The following WASF3 variants were observed in gnomAD, a reference collection of about 807,000 sequenced individuals.
WASF3 encodes the protein WASP family member 3.
WASF3 carries 11 observed loss-of-function variants against 46.6 expected under a neutral mutation model. That is an observed-to-expected ratio of 0.24 (90% CI 0.15 to 0.39). The LOEUF (loss-of-function observed/expected upper bound fraction) is 0.39. WASF3 is among the 10% of genes least tolerant of loss of function. The pLI, the probability that WASF3 is intolerant of heterozygous loss-of-function variation, is 1.00. For synonymous variants in WASF3, 242 were observed against 259.7 expected (o/e 0.93, Z 0.65); for missense variants, 576 against 669.8 (o/e 0.86, Z 1.55).
intron 2 of WASF3, among the ~76,000 whole-genome samples, chr13:26,614,420 A>G (rs1881071911): frequency 6.6e-6 from 1 of 152,232 alleles, no homozygotes; most frequent in Non-Finnish European, 1.5e-5. Flanking sequence ...CCATGGTTAA[A>G]GAGGAGCTTA....
At chr13:26,588,982 T>C (rs1880212788) in intron 1 of WASF3, among the ~76,000 whole-genome samples, 1 of 151,902 alleles carries the variant, frequency 6.6e-6, no homozygotes, top group Non-Finnish European at 1.5e-5. Context: ...TTGGTAGAGA[T>C]GGCGTTTCAC....
rs145354997 is a variant in WASF3 at position 26,603,505 on chromosome 13, A to G, written c.-108-9456A>G. Among the ~76,000 whole-genome samples, 24 of 152,284 alleles carry G rather than the reference A, an allele frequency of 1.6e-4. No individual in the cohort carries two copies. In the East Asian group the frequency reaches 4.6e-3, roughly 29 times the overall value. On this transcript the variant is annotated intron_variant, in intron 1 of 9. Transcript: ENST00000335327. The stretch of plus-strand genomic sequence containing the variant: ...AGGCAGAGACTCAAACCAGTAAAGG[A>G]TATAAAGCAACTTTAAGCACAGTTA...
intron 3 of WASF3, 72 bp from the exon 4 acceptor site, chr13:26,664,956 T>C: frequency 6.7e-7 from 1 of 1,496,490 alleles, no homozygotes; most frequent in Non-Finnish European, 9.3e-7. Context: ...GAATAAGCAC[T>C]GGTGAGGATG....
intron 9 of WASF3, among the ~76,000 whole-genome samples, chr13:26,684,957 G>A (rs571299414): frequency 2.6e-4 from 40 of 152,186 alleles, no homozygotes; most frequent in East Asian, 3.9e-4. Context: ...GCATGGTGGC[G>A]TGCGCCGGTG....
At chr13:26,683,027 T>C (rs1883290414) in intron 9 of WASF3, 53 bp downstream of exon 9, 1 of 1,559,788 alleles carries the variant, frequency 6.4e-7, no homozygotes, top group African/African-American at 1.4e-5. Context: ...GGTTTCTTCA[T>C]GTCTCCAGCC....
chr13:26,656,308 A>G (rs1462115434), intron 3 of WASF3, among the ~76,000 whole-genome samples: 2 of 152,212 alleles, frequency 1.3e-5, no homozygotes, highest in South Asian at 2.1e-4. Context: ...GTGTAGTTTC[A>G]TAAACAAATG....
chr13:26,637,766 A>G (rs1450521430), intron 2 of WASF3, among the ~76,000 whole-genome samples: 3 of 152,206 alleles, frequency 2.0e-5, no homozygotes, highest in Non-Finnish European at 2.9e-5. Context: ...CAATCGAGCC[A>G]TGACCTGTGC....
At position 26,624,791 on chromosome 13, in the gene WASF3, T is replaced by C. The variant is rs567958136; in HGVS notation, c.-11+11733T>C. Among the ~76,000 whole-genome samples the C allele has an allele frequency of 2.6e-5, 4 of 152,314 alleles. No homozygotes were observed. The Middle Eastern group carries it at 0.01, about 389-fold the overall frequency. ...AACAAGGGTAAGAATAACAGCAGAC[T>C]TCTTGTCAGAGACTATGAAAGTCAT... On this transcript the variant is annotated intron_variant, in intron 2 of 9. Coordinates refer to ENST00000335327, the MANE Select transcript of WASF3 (RefSeq NM_006646.6).
At chr13:26,631,908 C>G (rs892488039) in intron 2 of WASF3, among the ~76,000 whole-genome samples, 1 of 152,108 alleles carries the variant, frequency 6.6e-6, no homozygotes, top group African/African-American at 2.4e-5. Context: ...AGTTGGATTC[C>G]TAGGTATTTT....
At chr13:26,629,834 C>T (rs2137258611) in intron 2 of WASF3, among the ~76,000 whole-genome samples, 1 of 152,220 alleles carries the variant, frequency 6.6e-6, no homozygotes, top group East Asian at 1.9e-4. Context: ...CTTTGCATGC[C>T]TGGACCCCTG....
intron 9 of WASF3, among the ~76,000 whole-genome samples, chr13:26,684,789 T>TG (rs1176862238): frequency 2.6e-5 from 4 of 152,184 alleles, no homozygotes; most frequent in Admixed American, 2.0e-4. Context: ...TGTTAGCAGT[T>TG]GGGGAATCCA....
intron 9 of WASF3, among the ~76,000 whole-genome samples, chr13:26,683,530 C>T (rs556088408): frequency 2.6e-5 from 4 of 151,274 alleles, no homozygotes; most frequent in African/African-American, 9.7e-5. Context: ...AAACCAGAAA[C>T]CCAATAACTG....
intron 1 of WASF3, among the ~76,000 whole-genome samples, chr13:26,571,327 A>G (rs1283477352): frequency 6.6e-6 from 1 of 152,174 alleles, no homozygotes. Context: ...CAGATTATTT[A>G]TAGAGGGATT....
At chr13:26,670,746 A>C (rs1882905968) in intron 5 of WASF3, among the ~76,000 whole-genome samples, 1 of 152,210 alleles carries the variant, frequency 6.6e-6, no homozygotes, top group Non-Finnish European at 1.5e-5. Context: ...ATCAATTAGG[A>C]AACTAGGAAA....
the WASF3 span, among the ~76,000 whole-genome samples, chr13:26,549,453 A>G: frequency 6.6e-6 from 1 of 152,154 alleles, no homozygotes; most frequent in Non-Finnish European, 1.5e-5. Context: ...AAGCTTCATT[A>G]TCTTTATTAA....
intron 3 of WASF3, among the ~76,000 whole-genome samples, chr13:26,657,592 A>G (rs188771370): frequency 1.4e-4 from 21 of 152,358 alleles, no homozygotes; most frequent in African/African-American, 5.1e-4. Flanking sequence ...TTTAGTTAAC[A>G]GAGGCATTTA....
rs57762171 is a variant in WASF3, at chr13:26,559,823, T to TC, written c.-109+2004_-109+2005insC. ...TTCTTTCTTTCTTTTTTTTTTTTTTTTTTTTTTTTTTGAGACGGAGTCTTG... is the reference window on the plus strand; with the variant it reads ...TTCTTTCTTTCTTTTTTTTTTTTTTTCTTTTTTTTTTTGAGACGGAGTCTTG... On this transcript the variant is annotated intron_variant, in intron 1 of 9. Coordinates refer to ENST00000335327, the MANE Select transcript of WASF3 (RefSeq NM_006646.6). Among the ~76,000 whole-genome samples, 685 of 126,036 alleles carry TC rather than the reference T, an allele frequency of 5.4e-3. 2 individuals are homozygous for TC. The highest frequency in any genetic ancestry group is 7.8e-3 in the Middle Eastern group (2 of 256). The allele number at this position is 126,036 out of a possible 152,430, so 82.7% of individuals were successfully genotyped here.
In WASF3 at chr13:26,685,789, G is replaced by T. The variant is rs1185970254; in HGVS notation, c.1453G>T (p.Glu485Ter). The T allele has an allele frequency of 6.2e-7, 1 of 1,614,162 alleles. No homozygotes were observed. The highest frequency in any genetic ancestry group is 8.5e-7 in the Non-Finnish European group (1 of 1,180,018). The change falls in exon 10 of 10, where the codon GAG becomes TAG. Residue 485 changes from glutamate to a stop codon, truncating the protein, a stop_gained. Transcript: ENST00000335327. LOFTEE classifies it high-confidence loss of function. ...ATILSRRIAVEYSDSDDDSEF... is the reference protein window; with the variant it reads ...ATILSRRIAV ...GATCCTGTCCCGGCGCATTGCCGTG[G>T]AGTACAGCGACTCTGACGACGACTC...
chr13:26,685,616 A>T (rs1225165394), intron 9 of WASF3, 72 bp from the exon 10 acceptor site: 16 of 1,574,070 alleles, frequency 1.0e-5, no homozygotes, highest in South Asian at 9.1e-5. Flanking sequence ...TCCAATAGAC[A>T]TATTTGTTCG....
Sources: gnomAD v4.1 joint callset for allele counts (sites outside exome capture counted in the v4.1 genomes callset) on GRCh38, gnomAD v4.1.1 for gene constraint, MANE v1.5 for transcripts, NCBI Gene and HGNC (gene_info 2026-07-23, HGNC 2026-07-21) for gene names.